The following FBXL17 variants were observed in gnomAD, a reference collection of about 807,000 sequenced individuals.
The protein encoded by FBXL17 is F-box and leucine rich repeat protein 17.
FBXL17 carries 22 observed loss-of-function variants against 66.2 expected under a neutral mutation model. The ratio of observed to expected loss-of-function variants is 0.33; its 90% CI spans 0.24 to 0.47. FBXL17 has a LOEUF of 0.47. Ranked by LOEUF, FBXL17 falls within the 20% of genes least tolerant of loss-of-function variation. The pLI, the probability that FBXL17 is intolerant of heterozygous loss-of-function variation, is 1.00. For synonymous variants in FBXL17, 474 were observed against 400.5 expected, an observed-to-expected ratio of 1.18 and a Z score of -2.19; for missense variants, 878 against 948.2, an observed-to-expected ratio of 0.93 and a Z score of 0.97.
At chr5:107,970,411 A>G (rs2112647759) in intron 7 of FBXL17, among the ~76,000 whole-genome samples, 1 of 152,260 alleles carries the variant, frequency 6.6e-6, no homozygotes, top group South Asian at 2.1e-4. Context: ...ATTTCAGAAA[A>G]AGGACAGGTG....
At chr5:108,312,978 T>C (rs922294920) in intron 4 of FBXL17, among the ~76,000 whole-genome samples, 4 of 152,068 alleles carry the variant, frequency 2.6e-5, no homozygotes, top group African/African-American at 9.7e-5. Flanking sequence ...CAACTGATAA[T>C]TACCATCATG....
At chr5:108,273,879 T>C (rs1757377223) in intron 4 of FBXL17, among the ~76,000 whole-genome samples, 1 of 151,996 alleles carries the variant, frequency 6.6e-6, no homozygotes, top group Non-Finnish European at 1.5e-5. Context: ...AATGAAAAGC[T>C]ATATTTCAAC....
intron 7 of FBXL17, among the ~76,000 whole-genome samples, chr5:107,964,506 C>CA (rs1752041086): frequency 6.6e-6 from 1 of 152,046 alleles, no homozygotes; most frequent in Non-Finnish European, 1.5e-5. Context: ...CATAACTACA[C>CA]AAGATAAAAA....
intron 7 of FBXL17, among the ~76,000 whole-genome samples, chr5:107,991,434 T>C (rs1462647922): frequency 6.6e-6 from 1 of 152,230 alleles, no homozygotes; most frequent in Non-Finnish European, 1.5e-5. Context: ...GAGTCCCTGT[T>C]TCTTAGTCCC....
At chr5:108,229,961 G>GA (rs1170798167) in intron 4 of FBXL17, among the ~76,000 whole-genome samples, 1 of 151,924 alleles carries the variant, frequency 6.6e-6, no homozygotes, top group Non-Finnish European at 1.5e-5. Context: ...ACGAATACAT[G>GA]AAAAAAATGC....
At chr5:108,330,578 C>T (rs1172578887) in intron 4 of FBXL17, among the ~76,000 whole-genome samples, 1 of 152,110 alleles carries the variant, frequency 6.6e-6, no homozygotes, top group Non-Finnish European at 1.5e-5. Flanking sequence ...ATATAGATTT[C>T]CTAGAACACT....
intron 4 of FBXL17, among the ~76,000 whole-genome samples, chr5:108,312,530 G>A (rs1007058361): frequency 2.6e-4 from 40 of 151,428 alleles, no homozygotes; most frequent in African/African-American, 9.7e-4. Flanking sequence ...GCCAAAGTAT[G>A]AGTAAAAAAA....
chr5:108,052,238 A>T (rs1580376251), intron 6 of FBXL17, among the ~76,000 whole-genome samples: 2 of 152,206 alleles, frequency 1.3e-5, no homozygotes, highest in Non-Finnish European at 1.5e-5. Flanking sequence ...AATAAAGGGT[A>T]TTCAAATAGG....
At chr5:108,099,880 A>G (rs991227699) in intron 6 of FBXL17, among the ~76,000 whole-genome samples, 3 of 152,234 alleles carry the variant, frequency 2.0e-5, no homozygotes, top group Non-Finnish European at 4.4e-5. Context: ...TGTTTCCAAC[A>G]CCATAATGGT....
intron 7 of FBXL17, among the ~76,000 whole-genome samples, chr5:108,012,873 G>A (rs1387122654): frequency 1.3e-5 from 2 of 152,106 alleles, no homozygotes; most frequent in African/African-American, 4.8e-5. Flanking sequence ...AAATTAGCCG[G>A]GCGTGGTGGC....
intron 6 of FBXL17, among the ~76,000 whole-genome samples, chr5:108,105,093 G>C (rs11747222): frequency 0.31 from 47,065 of 152,104 alleles, 8,229 homozygotes; most frequent in Admixed American, 0.4. Context: ...CGCCCGCCTC[G>C]GCCTCCCGAA....
intron 7 of FBXL17, among the ~76,000 whole-genome samples, chr5:107,945,201 C>A (rs1409942021): frequency 6.6e-6 from 1 of 151,984 alleles, no homozygotes; most frequent in East Asian, 1.9e-4. Flanking sequence ...TAAATTTAAA[C>A]CTTAAGGAGA....
chr5:107,932,415 C>A (rs962409484), intron 7 of FBXL17, among the ~76,000 whole-genome samples: 13 of 151,996 alleles, frequency 8.6e-5, no homozygotes, highest in Non-Finnish European at 1.6e-4. Flanking sequence ...TTTTAATGAC[C>A]TCCATGTGGC....
At chr5:108,000,600 C>A (rs187403358) in intron 7 of FBXL17, among the ~76,000 whole-genome samples, 269 of 152,252 alleles carry the variant, frequency 1.8e-3, no homozygotes, top group Non-Finnish European at 2.7e-3. Flanking sequence ...ACATCCTATA[C>A]TAATGTAATC....
chr5:108,175,012 C>T (rs1752747664), intron 6 of FBXL17, among the ~76,000 whole-genome samples: 1 of 152,120 alleles, frequency 6.6e-6, no homozygotes, highest in African/African-American at 2.4e-5. Flanking sequence ...ATTAAATTTT[C>T]ACTTTATGAA....
At chr5:108,307,365 T>C (rs1409869058) in intron 4 of FBXL17, among the ~76,000 whole-genome samples, 2 of 152,054 alleles carry the variant, frequency 1.3e-5, no homozygotes, top group Non-Finnish European at 2.9e-5. Context: ...AGTGCAGTGG[T>C]TGCAATCATA....
intron 6 of FBXL17, among the ~76,000 whole-genome samples, chr5:108,118,528 T>G (rs1450337175): frequency 6.6e-6 from 1 of 152,158 alleles, no homozygotes. Context: ...TCCATTTTGG[T>G]TTTCACTACT....
chr5:107,949,832 C>A (rs563234031), intron 7 of FBXL17, among the ~76,000 whole-genome samples: 5 of 152,152 alleles, frequency 3.3e-5, no homozygotes, highest in Non-Finnish European at 7.4e-5. Context: ...AAGTGACTTG[C>A]CCACTGTCCA....
At chr5:108,066,243 T>C (rs951106808) in intron 6 of FBXL17, among the ~76,000 whole-genome samples, 1 of 152,142 alleles carries the variant, frequency 6.6e-6, no homozygotes, top group Non-Finnish European at 1.5e-5. Flanking sequence ...GTACTGTTAT[T>C]AACCATGGCA....
Sources: allele counts gnomAD v4.1 joint callset (sites outside exome capture counted in the v4.1 genomes callset), GRCh38; gene constraint gnomAD v4.1.1; transcripts MANE v1.5; gene names NCBI Gene and HGNC (gene_info 2026-07-23, HGNC 2026-07-21).